The following ARHGAP29 variants were observed in gnomAD, a reference collection of about 807,000 sequenced individuals.
The protein encoded by ARHGAP29 is rho GTPase-activating protein 29.
ARHGAP29 carries 43 observed loss-of-function variants against 122.6 expected under a neutral mutation model. That is an observed-to-expected ratio of 0.35 (90% CI 0.27 to 0.45). ARHGAP29 has a LOEUF of 0.45. ARHGAP29 is among the 20% of genes least tolerant of loss of function. The pLI is 1.00. For missense variants in ARHGAP29, 1,303 were observed against 1,477.2 expected (o/e 0.88, Z 1.93); for synonymous variants, 506 against 497.1 (o/e 1.02, Z -0.24).
chr1:94,178,885 T>G lies in ARHGAP29; in HGVS notation c.2481-718A>C, dbSNP rs79963159. On this transcript the variant is annotated intron_variant, in intron 20 of 22. Transcript: ENST00000260526. ...TCACTTATATTTCTCAGATGCACAA[T>G]GAGCTCATGTCTCCATGTCTGTGAC... is the stretch of plus-strand genomic sequence containing the variant. Among the ~76,000 whole-genome samples, 78 of 152,276 alleles carry G rather than the reference T, an allele frequency of 5.1e-4. No homozygotes were observed. The East Asian group carries it at 0.013, about 26-fold the overall frequency.
At chr1:94,186,429 T>A in intron 16 of ARHGAP29, 70 bp downstream of exon 16, 1 of 1,079,190 alleles carries the variant, frequency 9.3e-7, no homozygotes, top group Non-Finnish European at 1.4e-6. Context: ...AATTATACTA[T>A]TTATCTAATA....
chr1:94,195,882 C>G (rs1366961116), intron 12 of ARHGAP29: 3 of 151,668 alleles, frequency 2.0e-5, no homozygotes, highest in Non-Finnish European at 2.9e-5. Flanking sequence ...AAATAAAAAG[C>G]AAGGGAATTT....
chr1:94,309,638 A>G, the ARHGAP29 span, among the ~76,000 whole-genome samples: 1 of 152,206 alleles, frequency 6.6e-6, no homozygotes, highest in African/African-American at 2.4e-5. Flanking sequence ...GCAGATGTAT[A>G]TGCTAAAGAG....
the ARHGAP29 span, among the ~76,000 whole-genome samples, chr1:94,313,803 A>G: frequency 6.6e-6 from 1 of 152,234 alleles, no homozygotes; most frequent in Admixed American, 6.5e-5. Flanking sequence ...GCCTTAAAAA[A>G]AGATGAGTTC....
chr1:94,189,845 T>G, intron 13 of ARHGAP29, 81 bp downstream of exon 13: 1 of 1,388,278 alleles, frequency 7.2e-7, no homozygotes, highest in Non-Finnish European at 9.9e-7. Flanking sequence ...GTTAGAAAAG[T>G]CTCCTCCTTG....
Position 94,185,402 on chromosome 1 carries a change from G to T in ARHGAP29, c.1860C>A (p.Ser620=), listed in dbSNP as rs200251100. The change falls in exon 17 of 23, where the codon TCC becomes TCA. Residue 620 remains serine, a synonymous_variant. Transcript: ENST00000260526. ...ALTHKFRKLR[S]PTKCRDCEGI... ...CTTCACAATCCCTACATTTCGTGGG[G>T]GATCTCAATTTGCGAAACTTGTGTG... is the stretch of plus-strand genomic sequence containing the variant. 1.5e-5 allele frequency: 24 copies of T among 1,612,046 alleles called. No homozygotes were observed. Among genetic ancestry groups the T allele is most frequent in the Non-Finnish European group, 2.0e-5 (24 of 1,179,006 alleles).
intron 1 of ARHGAP29, among the ~76,000 whole-genome samples, chr1:94,258,900 A>G (rs1348595298): frequency 6.6e-6 from 1 of 152,094 alleles, no homozygotes; most frequent in Non-Finnish European, 1.5e-5. Context: ...CCACATCTTT[A>G]TCCTCTGTGT....
At chr1:94,269,208 C>T (rs375920606) in intron 1 of ARHGAP29, among the ~76,000 whole-genome samples, 11 of 152,080 alleles carry the variant, frequency 7.2e-5, no homozygotes, top group African/African-American at 2.4e-4. Context: ...TTGATTGATT[C>T]GTGAGCATTC....
chr1:94,247,749 C>A (rs1450055422), intron 1 of ARHGAP29: 2 of 631,350 alleles, frequency 3.2e-6, no homozygotes, highest in South Asian at 7.0e-5. Context: ...TTGCAGCTAC[C>A]GCCACGGCTG....
At chr1:94,205,253 C>G in intron 6 of ARHGAP29, 55 bp from the exon 7 acceptor site, 1 of 1,345,526 alleles carries the variant, frequency 7.4e-7, no homozygotes. Context: ...CATCATAACT[C>G]CAAACAAAGA....
intron 12 of ARHGAP29, among the ~76,000 whole-genome samples, chr1:94,198,652 C>T (rs571692686): frequency 8.5e-5 from 13 of 152,232 alleles, no homozygotes; most frequent in African/African-American, 3.1e-4. Context: ...TTGAAAACTA[C>T]AAAATGCTGA....
At chr1:94,305,354 T>G in the ARHGAP29 span, among the ~76,000 whole-genome samples, 1 of 152,330 alleles carries the variant, frequency 6.6e-6, no homozygotes, top group Non-Finnish European at 1.5e-5. Flanking sequence ...TCTTTAAATA[T>G]GTTGAATATC....
At chr1:94,294,759 G>A in the ARHGAP29 span, among the ~76,000 whole-genome samples, 4 of 152,230 alleles carry the variant, frequency 2.6e-5, no homozygotes, top group African/African-American at 9.6e-5. Context: ...TGAGAGGAGG[G>A]AAAAGCATGG....
Position 94,177,881 on chromosome 1 carries a change from T to A in ARHGAP29, c.2767A>T (p.Met923Leu). ...SPEERDIERS[M>L]KSLFFSSKED... ...TTTGAAGAAAAAAATAGTGACTTCA[T>A]GGAACGTTCAATGTCTCTTTCTTCT... The change falls in exon 21 of 23, where the codon ATG (methionine) becomes TTG (leucine). Residue 923 changes from methionine (M) to leucine (L), a missense_variant. Met to Leu is a conservative substitution (Grantham distance 15). This residue lies in a region of ARHGAP29 where 620 missense variants were observed against 651.2 expected (regional missense o/e 0.95). Transcript: ENST00000260526. 5 of 1,613,224 alleles carry A rather than the reference T, an allele frequency of 3.1e-6. No individual in the cohort carries two copies. The highest frequency in any genetic ancestry group is 4.2e-6 in the Non-Finnish European group (5 of 1,179,786).
chr1:94,202,504 G>A (rs753528079), intron 11 of ARHGAP29, 40 bp downstream of exon 11: 77 of 1,605,772 alleles, frequency 4.8e-5, no homozygotes, highest in East Asian at 2.0e-4. Flanking sequence ...GCAGATTACC[G>A]CTAATTCAAC....
At chr1:94,262,467 C>G (rs1202242314) in intron 1 of ARHGAP29, among the ~76,000 whole-genome samples, 1 of 152,006 alleles carries the variant, frequency 6.6e-6, no homozygotes, top group Non-Finnish European at 1.5e-5. Context: ...TAAACAGAAC[C>G]TACAGAATGG....
At chr1:94,250,064 G>A (rs138930040) in intron 1 of ARHGAP29, among the ~76,000 whole-genome samples, 1 of 151,938 alleles carries the variant, frequency 6.6e-6, no homozygotes, top group East Asian at 1.9e-4. Context: ...CAAATATGAT[G>A]GTCACAAAAA....
At chr1:94,207,756 T>G (rs969727279) in intron 5 of ARHGAP29, among the ~76,000 whole-genome samples, 1 of 152,210 alleles carries the variant, frequency 6.6e-6, no homozygotes, top group Non-Finnish European at 1.5e-5. Context: ...AATAGTCATT[T>G]TTATTTTATA....
At position 94,209,350 on chromosome 1, in the gene ARHGAP29, G is replaced by A; in HGVS notation, c.341C>T (p.Ala114Val). ...AAEMLTAKVK[A>V]VNFTEVNEEN... ...TTCATTAACTTCTGTGAAGTTCACA[G>A]CTGTAAGGAAAAGTTGGTTACAATA... The change falls in exon 4 of 23, where the codon GCT (alanine) becomes GTT (valine). Residue 114 changes from alanine to valine, a missense_variant and splice_region_variant. Ala to Val is a moderately conservative substitution (Grantham distance 64). This residue lies in a region of ARHGAP29 where 592 missense variants were observed against 648.2 expected (regional missense o/e 0.91). Coordinates refer to ENST00000260526, the MANE Select transcript of ARHGAP29 (RefSeq NM_004815.4). The A allele has an allele frequency of 6.3e-7, 1 of 1,593,630 alleles. No individual in the cohort carries two copies. The highest frequency in any genetic ancestry group is 1.1e-5 in the South Asian group (1 of 88,208).
Sources: allele counts gnomAD v4.1 joint callset (sites outside exome capture counted in the v4.1 genomes callset), GRCh38; gene constraint gnomAD v4.1.1; regional missense constraint gnomAD v4.1.1; transcripts MANE v1.5; gene names NCBI Gene and HGNC (gene_info 2026-07-23, HGNC 2026-07-21).